Variants in GPRC5B observed in about 807,000 individuals in gnomAD.
GPRC5B encodes G protein-coupled receptor family C group 5 member B.
GPRC5B carries 16 observed loss-of-function variants against 30.1 expected under a neutral mutation model. The observed-to-expected ratio is 0.53, with a 90% confidence interval of 0.36 to 0.81. GPRC5B has a LOEUF of 0.81. Ranked by LOEUF, GPRC5B falls within the 30% of genes least tolerant of loss-of-function variation. GPRC5B has a pLI of 0.01. For missense variants in GPRC5B, 428 were observed against 544.7 expected, an observed-to-expected ratio of 0.79 and a Z score of 2.13; for synonymous variants, 241 against 239.5, an observed-to-expected ratio of 1.01 and a Z score of -0.06.
intron 1 of GPRC5B, among the ~76,000 whole-genome samples, chr16:19,875,963 C>A (rs1395794237): frequency 6.6e-6 from 1 of 152,142 alleles, no homozygotes; most frequent in Non-Finnish European, 1.5e-5. Flanking sequence ...GAACAAAATG[C>A]CAACAGTCCC....
Position 19,870,769 on chromosome 16 carries a change from G to A in GPRC5B, c.1030+1047C>T, listed in dbSNP as rs190743154. Among the ~76,000 whole-genome samples, 399 of 152,232 alleles carry A rather than the reference G, an allele frequency of 2.6e-3. 3 individuals are homozygous for A. The highest frequency in any genetic ancestry group is 7.8e-3 in the African/African-American group (322 of 41,526). On this transcript the variant is annotated intron_variant, in intron 2 of 3. Coordinates refer to ENST00000300571, the MANE Select transcript of GPRC5B (RefSeq NM_016235.3). ...TGCAATAGAGAGCGGTAGAGAGTGC[G>A]GTGAACAGAAAAGTGGATTCCCATC...
At position 19,872,702 on chromosome 16, in the gene GPRC5B, C is replaced by T; in HGVS notation, c.144G>A (p.Leu48=). 6.2e-7 allele frequency: 1 copy of T among 1,614,022 alleles called. No individual in the cohort carries two copies. The highest frequency in any genetic ancestry group is 8.5e-7 in the Non-Finnish European group (1 of 1,180,042). Residue 48 remains leucine (L), a synonymous_variant, in exon 2 of 4, where the codon CTG becomes CTA. Transcript: ENST00000300571. This position sits in a 1 kb window ranked among gnomAD's most constrained non-coding sequence, Gnocchi z 5.0. Reference sequence around the variant, plus strand: ...TGCCCCAGATGGCGTCCAGGTCGCACAGGGACACGTACTGAGGGAGGAGGT... The same window carrying T: ...TGCCCCAGATGGCGTCCAGGTCGCATAGGGACACGTACTGAGGGAGGAGGT... The part of the protein sequence containing the change: ...GLDLLPQYVS[L]CDLDAIWGIV...
chr16:19,876,865 C>T (rs1455227514), intron 1 of GPRC5B, among the ~76,000 whole-genome samples: 1 of 152,228 alleles, frequency 6.6e-6, no homozygotes, highest in Non-Finnish European at 1.5e-5. Flanking sequence ...CTGATTTTCC[C>T]TTGGAGAGCT....
chr16:19,872,904 C>T lies in GPRC5B; in HGVS notation c.-1-58G>A, dbSNP rs2056734468. ...AAGGAAAGATGAATTCATTGGAAGACTCCCCCTCTCCTGACTTCTTGAAGA... is the reference window on the plus strand; with the variant it reads ...AAGGAAAGATGAATTCATTGGAAGATTCCCCCTCTCCTGACTTCTTGAAGA... On this transcript the variant is annotated intron_variant, in intron 1 of 3. Coordinates refer to ENST00000300571, the MANE Select transcript of GPRC5B (RefSeq NM_016235.3). The surrounding 1 kb of genome is among the most constrained non-coding windows in gnomAD (Gnocchi z 5.0). The T allele has an allele frequency of 4.8e-6, 6 of 1,247,806 alleles. No individual in the cohort carries two copies. The South Asian group carries it at 6.5e-5, about 14-fold the overall frequency. The allele number at this position is 1,247,806 out of a possible 1,614,324, so 77.3% of individuals were successfully genotyped here.
Position 19,872,106 on chromosome 16 carries a change from C to T in GPRC5B, c.740G>A (p.Trp247Ter), listed in dbSNP as rs2056725114. The change falls in exon 2 of 4, where the codon TGG becomes TAG. Residue 247 changes from tryptophan to a stop codon, truncating the protein, a stop_gained. Transcript: ENST00000300571. LOFTEE classifies it high-confidence loss of function. The surrounding 1 kb of genome is among the most constrained non-coding windows in gnomAD (Gnocchi z 5.0). ...GAGGTACATGGTCATCCAGGCCACC[C>T]AGATGAGCACAGAGAGGAAGGCTGT... is the stretch of plus-strand genomic sequence containing the variant. ...LITAFLSVLIWVAWMTMYLFG... is the reference protein window; with the variant it reads ...LITAFLSVLI 1 of 1,614,096 alleles carries T rather than the reference C, an allele frequency of 6.2e-7. No homozygotes were observed. Among genetic ancestry groups the T allele is most frequent in the Non-Finnish European group, 8.5e-7 (1 of 1,179,980 alleles).
upstream of GPRC5B, chr16:19,885,436 CTT>C: frequency 2.6e-6 from 3 of 1,137,474 alleles, no homozygotes; most frequent in Non-Finnish European, 3.3e-6. This position sits in a 1 kb window ranked among gnomAD's most constrained non-coding sequence, Gnocchi z 5.3. Context: ...TGGACACACT[CTT>C]CTCTCTCCTC....
In GPRC5B at chr16:19,861,929, G is replaced by C; in HGVS notation, c.1075C>G (p.Pro359Ala). The change falls in exon 3 of 4, where the codon CCC becomes GCC. Residue 359 changes from proline (P) to alanine (A), a missense_variant. Pro to Ala is a conservative substitution (Grantham distance 27). Coordinates refer to ENST00000300571, the MANE Select transcript of GPRC5B (RefSeq NM_016235.3). ...GFPNGSLGKRPSGSLGKRPSA... is the reference protein window; with the variant it reads ...GFPNGSLGKRASGSLGKRPSA... Reference sequence around the variant, plus strand: ...GGTCTTTTCCCCAAGCTGCCACTGGGTCTTTTTCCCAAGCTGCCGTTGGGA... The same window carrying C: ...GGTCTTTTCCCCAAGCTGCCACTGGCTCTTTTTCCCAAGCTGCCGTTGGGA... 1.9e-6 allele frequency: 3 copies of C among 1,613,672 alleles called. No individual in the cohort carries two copies. The highest frequency in any genetic ancestry group is 2.5e-6 in the Non-Finnish European group (3 of 1,179,704).
Position 19,857,478 on chromosome 16 carries a change from G to A in GPRC5B, c.*3022C>T. On this transcript the variant is annotated 3_prime_UTR_variant, in exon 4 of 4. Coordinates refer to ENST00000300571, the MANE Select transcript of GPRC5B (RefSeq NM_016235.3). ...AGTATGCAACAGTCAGCCGGGGGAA[G>A]ATAAAGGTACATTATAAAACACACA... is the stretch of plus-strand genomic sequence containing the variant. 2.3e-6 allele frequency: 1 copy of A among 436,526 alleles called. No individual in the cohort carries two copies. 27.0% of individuals were successfully genotyped at this position (436,526 alleles called of 1,614,324 possible).
At position 19,858,922 on chromosome 16, in the gene GPRC5B, G is replaced by A. The variant is rs141953810; in HGVS notation, c.*1578C>T. The A allele has an allele frequency of 3.5e-3, 674 of 190,750 alleles. 6 individuals carry two copies. Among genetic ancestry groups the A allele is most frequent in the African/African-American group, 0.015 (633 of 43,100 alleles). 11.8% of individuals were successfully genotyped at this position (190,750 alleles called of 1,614,324 possible). A position where few individuals can be genotyped will look rare whatever the true frequency, so the allele number is the denominator to read the frequency against. ...GGCCAGATTGGCCTTACTTTCCCCA[G>A]TGCTTTGCAAGGATGGGGTGGGGAG... On this transcript the variant is annotated 3_prime_UTR_variant, in exon 4 of 4. Transcript: ENST00000300571.
chr16:19,881,904 C>T (rs1243221968), intron 1 of GPRC5B, among the ~76,000 whole-genome samples: 1 of 152,248 alleles, frequency 6.6e-6, no homozygotes, highest in African/African-American at 2.4e-5. Context: ...CCATTTCTCC[C>T]AGCTCCTGAC....
At chr16:19,867,732 C>T (rs887966881) in intron 2 of GPRC5B, among the ~76,000 whole-genome samples, 5 of 152,098 alleles carry the variant, frequency 3.3e-5, no homozygotes, top group Non-Finnish European at 5.9e-5. Context: ...GTGGAGGCTT[C>T]GTGAGTGAGA....
At chr16:19,885,268 A>C, upstream of GPRC5B, 1 of 1,284,814 alleles carries the variant, frequency 7.8e-7, no homozygotes, top group Non-Finnish European at 1.0e-6. This position sits in a 1 kb window ranked among gnomAD's most constrained non-coding sequence, Gnocchi z 5.3. Context: ...CCACGCTCCA[A>C]GGGGGGTTCA....
chr16:19,880,621 G>A (rs185636238), intron 1 of GPRC5B, among the ~76,000 whole-genome samples: 58 of 152,260 alleles, frequency 3.8e-4, no homozygotes, highest in African/African-American at 1.3e-3. Context: ...ACACTCTTCT[G>A]CAACCTGCAG....
chr16:19,877,324 C>A (rs956178025), intron 1 of GPRC5B, among the ~76,000 whole-genome samples: 2 of 152,194 alleles, frequency 1.3e-5, no homozygotes, highest in Admixed American at 6.5e-5. Flanking sequence ...TAATGTTCCT[C>A]CCACATCTTA....
chr16:19,876,815 G>A lies in GPRC5B; in HGVS notation c.-1-3969C>T, dbSNP rs191487783. 2.2e-3 allele frequency among the ~76,000 whole-genome samples: 334 copies of A among 152,308 alleles called. 1 individual carries two copies. The highest frequency in any genetic ancestry group is 7.7e-3 in the African/African-American group (321 of 41,562). ...CTCTTCCGGGACAGCTGTTGTTTTC[G>A]CTGCTCAGCATCCGCTTCTCCCATT... On this transcript the variant is annotated intron_variant, in intron 1 of 3. Coordinates refer to ENST00000300571, the MANE Select transcript of GPRC5B (RefSeq NM_016235.3).
chr16:19,869,652 G>A (rs967698651), intron 2 of GPRC5B, among the ~76,000 whole-genome samples: 4 of 152,152 alleles, frequency 2.6e-5, no homozygotes, highest in African/African-American at 7.2e-5. Flanking sequence ...GAAGCCCCCT[G>A]CAGCAGTAGC....
At chr16:19,869,062 C>T (rs1244596833) in intron 2 of GPRC5B, among the ~76,000 whole-genome samples, 1 of 152,136 alleles carries the variant, frequency 6.6e-6, no homozygotes, top group African/African-American at 2.4e-5. Context: ...GGCGCAGTGG[C>T]TCATGTCTGT....
Position 19,872,860 on chromosome 16 carries a change from G to C in GPRC5B, c.-1-14C>G, listed in dbSNP as rs377517596. ...GCCACGAACATTCTAGAAAAGCCAA[G>C]AGGGGAATGGTTGGGGGGAAGGAAA... On this transcript the variant is annotated splice_polypyrimidine_tract_variant and intron_variant, in intron 1 of 3. Coordinates refer to ENST00000300571, the MANE Select transcript of GPRC5B (RefSeq NM_016235.3). This position sits in a 1 kb window ranked among gnomAD's most constrained non-coding sequence, Gnocchi z 5.0. 1.5e-5 allele frequency: 24 copies of C among 1,593,230 alleles called. No individual in the cohort carries two copies. In the African/African-American group the frequency reaches 3.1e-4, roughly 20 times the overall value.
At chr16:19,868,045 T>C (rs1871554632) in intron 2 of GPRC5B, among the ~76,000 whole-genome samples, 1 of 149,476 alleles carries the variant, frequency 6.7e-6, no homozygotes, top group South Asian at 2.1e-4. Context: ...CCAGCTCGGG[T>C]GACAGAGTGA....
Sources: gnomAD v4.1 joint callset for allele counts (sites outside exome capture counted in the v4.1 genomes callset) on GRCh38, gnomAD v4.1.1 for gene constraint, Gnocchi (gnomAD v3.1) non-coding constraint, MANE v1.5 for transcripts, NCBI Gene and HGNC (gene_info 2026-07-23, HGNC 2026-07-21) for gene names.